CIBAR2: variants seen among roughly 807,000 people sequenced by gnomAD.
CIBAR2 encodes the protein CBY1-interacting BAR domain-containing protein 2.
In CIBAR2, 38 loss-of-function variants were observed where a neutral mutation model predicts 36.2. The observed-to-expected ratio is 1.05, with a 90% confidence interval of 0.81 to 1.38. The LOEUF (loss-of-function observed/expected upper bound fraction) is 1.38, where lower values mean the gene tolerates loss of function less well. CIBAR2 is among the 40% of genes most tolerant of loss of function. The pLI, the probability that CIBAR2 is intolerant of heterozygous loss-of-function variation, is 0.00. For missense variants in CIBAR2, 481 were observed against 383.4 expected (o/e 1.25, Z -2.13); for synonymous variants, 182 against 149.5 (o/e 1.22, Z -1.58).
Position 85,100,193 on chromosome 16 carries a change from C to G in CIBAR2, c.699G>C (p.Arg233=). The G allele has an allele frequency of 6.2e-7, 1 of 1,611,768 alleles. No homozygotes were observed. Among genetic ancestry groups the G allele is most frequent in the Non-Finnish European group, 8.5e-7 (1 of 1,179,292 alleles). ...GAGGGGGGCTGGTGTTGGCAAGCAGCCGAGTGTCATAATGCCCATAAACTC... is the reference window on the plus strand; with the variant it reads ...GAGGGGGGCTGGTGTTGGCAAGCAGGCGAGTGTCATAATGCCCATAAACTC... ...MQGVYGHYDT[R]LLANTSPPPS... The change falls in exon 8 of 9, where the codon CGG becomes CGC. Residue 233 remains arginine, a synonymous_variant. Coordinates refer to ENST00000539556, the MANE Select transcript of CIBAR2 (RefSeq NM_198491.3).
rs908913957 is a variant in CIBAR2 at position 85,098,539 on chromosome 16, G to C, written c.*646C>G. 1.8e-5 allele frequency: 18 copies of C among 986,038 alleles called. No individual in the cohort carries two copies. The highest frequency in any genetic ancestry group is 5.2e-4 in the Middle Eastern group (1 of 1,936). The allele number at this position is 986,038 out of a possible 1,614,324, so 61.1% of individuals were successfully genotyped here. On this transcript the variant is annotated 3_prime_UTR_variant, in exon 9 of 9. Transcript: ENST00000539556. The stretch of plus-strand genomic sequence containing the variant: ...CACCTGAGGATCCAAGGCCAGCTAA[G>C]TTCTTCTGACTGTTGTGGGCAGTTC...
chr16:85,108,394 G>A (rs1266910188), intron 2 of CIBAR2, among the ~76,000 whole-genome samples: 5 of 152,198 alleles, frequency 3.3e-5, no homozygotes, highest in Non-Finnish European at 7.3e-5. Context: ...GTAGGAAGAT[G>A]GTGCCTGGCC....
At chr16:85,102,806 T>C (rs2073965823) in intron 6 of CIBAR2, among the ~76,000 whole-genome samples, 1 of 152,204 alleles carries the variant, frequency 6.6e-6, no homozygotes, top group South Asian at 2.1e-4. Flanking sequence ...CTTGTTTCCT[T>C]AGATAAGCCA....
rs2074034018 is a variant in CIBAR2 at position 85,110,558 on chromosome 16, C to G, written c.21-98G>C. The G allele has an allele frequency of 2.2e-6, 2 of 895,722 alleles. 1 individual carries two copies. The highest frequency in any genetic ancestry group is 5.4e-5 in the East Asian group (2 of 37,044). 55.5% of individuals were successfully genotyped at this position (895,722 alleles called of 1,614,324 possible). On this transcript the variant is annotated intron_variant, in intron 1 of 8. Transcript: ENST00000539556. ...TAGCTATGAAAACAGGAGCTGCCACCAGCCGGCCTCTGGTGTGGCACGCAC... is the reference window on the plus strand; with the variant it reads ...TAGCTATGAAAACAGGAGCTGCCACGAGCCGGCCTCTGGTGTGGCACGCAC...
rs192144400 is a variant in CIBAR2 at position 85,100,273 on chromosome 16, G to A, written c.652-33C>T. ...GGAGAGACCAGGGTGGGTGGGATCC[G>A]ATGGGAAAACACAGCGTGGGTTGGG... On this transcript the variant is annotated intron_variant, in intron 7 of 8. Transcript: ENST00000539556. The A allele has an allele frequency of 2.7e-4, 392 of 1,467,270 alleles. 1 individual carries two copies. The African/African-American group carries it at 4.9e-3, about 18-fold the overall frequency. The allele number at this position is 1,467,270 out of a possible 1,614,324, so 90.9% of individuals were successfully genotyped here.
chr16:85,107,797 T>G, intron 4 of CIBAR2, 49 bp downstream of exon 4: 1 of 1,578,390 alleles, frequency 6.3e-7, no homozygotes, highest in South Asian at 1.1e-5. Flanking sequence ...TCAGTGTGAG[T>G]GGACACCCTG....
Position 85,105,317 on chromosome 16 carries a change from C to A in CIBAR2, c.537+10G>T. 1 of 1,596,512 alleles carries A rather than the reference C, an allele frequency of 6.3e-7. No individual in the cohort carries two copies. On this transcript the variant is annotated intron_variant, in intron 6 of 8. Coordinates refer to ENST00000539556, the MANE Select transcript of CIBAR2 (RefSeq NM_198491.3). ...CCAGGGCGCCTCCCATCCCGGCCAA[C>A]CACCCTCACCTGCAGGTCCTTGAGC...
intron 7 of CIBAR2, among the ~76,000 whole-genome samples, chr16:85,100,844 A>C (rs372698518): frequency 2.6e-5 from 4 of 152,140 alleles, no homozygotes; most frequent in African/African-American, 4.8e-5. Flanking sequence ...TCAGGAGATC[A>C]AGACCATCCT....
chr16:85,107,267 A>G (rs576748720), intron 5 of CIBAR2, among the ~76,000 whole-genome samples: 1 of 152,220 alleles, frequency 6.6e-6, no homozygotes, highest in Non-Finnish European at 1.5e-5. Context: ...CGGCCCCTGC[A>G]TCTTTCCCAC....
chr16:85,111,793 G>A (rs1418896625), intron 1 of CIBAR2, among the ~76,000 whole-genome samples: 2 of 152,248 alleles, frequency 1.3e-5, no homozygotes, highest in Admixed American at 6.5e-5. Context: ...GCAGTGAGCC[G>A]AGATCGAGAT....
rs927324947 is a variant in CIBAR2, at chr16:85,112,233, C to A, written c.20+100G>T. 13 of 1,101,548 alleles carry A rather than the reference C, an allele frequency of 1.2e-5. No individual in the cohort carries two copies. The African/African-American group carries it at 2.0e-4, about 17-fold the overall frequency. The allele number at this position is 1,101,548 out of a possible 1,614,324, so 68.2% of individuals were successfully genotyped here. A position where few individuals can be genotyped will look rare whatever the true frequency, so the allele number is the denominator to read the frequency against. On this transcript the variant is annotated intron_variant, in intron 1 of 8. Coordinates refer to ENST00000539556, the MANE Select transcript of CIBAR2 (RefSeq NM_198491.3). ...GCTCCCCTCACCCCCAACCCCCACC[C>A]CAAGCAGCAGGCCCTGCTGCCCTCA... is the stretch of plus-strand genomic sequence containing the variant.
chr16:85,110,639 G>T (rs1051768324), intron 1 of CIBAR2, among the ~76,000 whole-genome samples, 179 bp from the exon 2 acceptor site: 2 of 152,064 alleles, frequency 1.3e-5, no homozygotes, highest in Non-Finnish European at 2.9e-5. Flanking sequence ...GCTGATGAGG[G>T]GGATCTGCCT....
intron 5 of CIBAR2, among the ~76,000 whole-genome samples, chr16:85,105,730 A>C (rs2073991092): frequency 6.6e-6 from 1 of 152,200 alleles, no homozygotes; most frequent in Non-Finnish European, 1.5e-5. Flanking sequence ...CTTGCTTAGC[A>C]GGGCTGTTGT....
In CIBAR2 at chr16:85,108,113, G is replaced by A; in HGVS notation, c.256-14C>T. 1.9e-6 allele frequency: 3 copies of A among 1,601,304 alleles called. No individual in the cohort carries two copies. Among genetic ancestry groups the A allele is most frequent in the Non-Finnish European group, 2.6e-6 (3 of 1,174,008 alleles). On this transcript the variant is annotated splice_polypyrimidine_tract_variant and intron_variant, in intron 2 of 8. Transcript: ENST00000539556. ...CAGCCTCTCGACCTGGGGGAGCGGGGACACCAGGGGATCTGAGCGCAGGGT... is the reference window on the plus strand; with the variant it reads ...CAGCCTCTCGACCTGGGGGAGCGGGAACACCAGGGGATCTGAGCGCAGGGT...
At chr16:85,111,082 T>C (rs562421694) in intron 1 of CIBAR2, among the ~76,000 whole-genome samples, 74 of 152,164 alleles carry the variant, frequency 4.9e-4, no homozygotes, top group African/African-American at 1.8e-3. Context: ...GCATTCAGGC[T>C]TCTACGACAG....
chr16:85,101,109 C>A (rs921471156), intron 7 of CIBAR2, among the ~76,000 whole-genome samples: 1 of 151,954 alleles, frequency 6.6e-6, no homozygotes, highest in Non-Finnish European at 1.5e-5. Flanking sequence ...GCCCAGGCCC[C>A]ATGGAAAAGC....
At chr16:85,108,746 T>C (rs2074017700) in intron 2 of CIBAR2, among the ~76,000 whole-genome samples, 1 of 152,104 alleles carries the variant, frequency 6.6e-6, no homozygotes, top group South Asian at 2.1e-4. Context: ...TGGTGGTGCA[T>C]GCCTCTAGTC....
In CIBAR2 at chr16:85,110,458, TC is replaced by T; in HGVS notation, c.22del (p.Asp8ThrfsTer4). On this transcript the variant is annotated frameshift_variant and splice_region_variant, in exon 2 of 9. Transcript: ENST00000539556. LOFTEE classifies it high-confidence loss of function. MNIVFSR[D>X]SQVRVMENTV... The stretch of plus-strand genomic sequence containing the variant: ...ATTCTCCATCACCCTCACCTGGCTG[TC>T]CCTGTGGAGGCGGGGACCTGAGCAG... The T allele has an allele frequency of 6.3e-7, 1 of 1,589,498 alleles. No homozygotes were observed.
At position 85,107,844 on chromosome 16, in the gene CIBAR2, A is replaced by G; in HGVS notation, c.426+2T>C. 1 of 1,610,868 alleles carries G rather than the reference A, an allele frequency of 6.2e-7. No individual in the cohort carries two copies. The highest frequency in any genetic ancestry group is 1.1e-5 in the South Asian group (1 of 91,012). On this transcript the variant is annotated splice_donor_variant, in intron 4 of 8. Coordinates refer to ENST00000539556, the MANE Select transcript of CIBAR2 (RefSeq NM_198491.3). LOFTEE classifies it high-confidence loss of function. ...CCAGGCCCCACTTCCAGGGAAGGAT[A>G]CGATCATTTGCTGATCCGAGGGTGA...
Sources: allele counts gnomAD v4.1 joint callset (sites outside exome capture counted in the v4.1 genomes callset), GRCh38; gene constraint gnomAD v4.1.1; transcripts MANE v1.5; gene names NCBI Gene and HGNC (gene_info 2026-07-23, HGNC 2026-07-21).